Variants in CEP57 observed in about 807,000 individuals in gnomAD.
CEP57 encodes centrosomal protein 57.
A neutral mutation model predicts 68.0 loss-of-function variants in CEP57; 40 were observed. That is an observed-to-expected ratio of 0.59 (90% confidence interval 0.46 to 0.77). The LOEUF (loss-of-function observed/expected upper bound fraction) is 0.77, where lower values mean the gene tolerates loss of function less well. Ranked by LOEUF, CEP57 falls within the 30% of genes least tolerant of loss-of-function variation. The pLI is 0.00. For synonymous variants in CEP57, 219 were observed against 198.7 expected (o/e 1.10, Z -0.86); for missense variants, 606 against 580.7 (o/e 1.04, Z -0.45).
At chr11:95,821,070 C>T (rs541694587) in intron 6 of CEP57, among the ~76,000 whole-genome samples, 7 of 152,270 alleles carry the variant, frequency 4.6e-5, no homozygotes, top group African/African-American at 1.7e-4. Context: ...ATATGAATTT[C>T]CCCAATCTGG....
Position 95,813,506 on chromosome 11 carries a change from A to C in CEP57, c.421A>C (p.Asn141His), listed in dbSNP as rs1767858227. The C allele has an allele frequency of 1.2e-6, 2 of 1,612,682 alleles. No homozygotes were observed. Among genetic ancestry groups the C allele is most frequent in the Admixed American group, 1.7e-5 (1 of 60,008 alleles). Residue 141 changes from asparagine to histidine, a missense_variant, in exon 4 of 11, where the codon AAT becomes CAT. Coordinates refer to ENST00000325542, the MANE Select transcript of CEP57 (RefSeq NM_014679.5). ...GTTGTTAGCTGCAGAAAATAAATGC[A>C]ATCTATTAGAAAAACAATTGGAATA... is the stretch of plus-strand genomic sequence containing the variant. Reference protein sequence around the residue: ...SQLLAAENKCNLLEKQLEYMR... With the variant: ...SQLLAAENKCHLLEKQLEYMR...
At chr11:95,816,069 C>G (rs1862283561) in intron 4 of CEP57, among the ~76,000 whole-genome samples, 1 of 152,092 alleles carries the variant, frequency 6.6e-6, no homozygotes. Flanking sequence ...ATAAAGAGCA[C>G]CCAAGACTAG....
At chr11:95,822,147 C>G (rs1862542818) in intron 7 of CEP57, 169 bp downstream of exon 7, 2 of 631,786 alleles carry the variant, frequency 3.2e-6, no homozygotes, top group East Asian at 2.8e-5. Flanking sequence ...AAATTTTTAT[C>G]CTGATAGTGA....
chr11:95,828,145 C>A, intron 9 of CEP57, 118 bp downstream of exon 9: 1 of 1,203,668 alleles, frequency 8.3e-7, no homozygotes, highest in Non-Finnish European at 1.2e-6. Flanking sequence ...TGAGCACAAT[C>A]CTTATACCAA....
At position 95,813,589 on chromosome 11, in the gene CEP57, A is replaced by G. The variant is rs754676360; in HGVS notation, c.504A>G (p.Gln168=). Residue 168 remains glutamine, a splice_region_variant and synonymous_variant, in exon 4 of 11, where the codon CAA becomes CAG. Coordinates refer to ENST00000325542, the MANE Select transcript of CEP57 (RefSeq NM_014679.5). ...AGAGGACATCTGTCTTAGAGAAACA[A>G]GTAAGTAAAGCACCTCACAGATTGA... ...EMERTSVLEK[Q]VSLERERQHD... 6 of 1,612,734 alleles carry G rather than the reference A, an allele frequency of 3.7e-6. No individual in the cohort carries two copies. In the Admixed American group the frequency reaches 6.7e-5, roughly 18 times the overall value.
chr11:95,829,577 T>A (rs1429143605), intron 10 of CEP57, among the ~76,000 whole-genome samples: 8 of 152,238 alleles, frequency 5.3e-5, no homozygotes, highest in Non-Finnish European at 8.8e-5. Flanking sequence ...TCTTTATGAA[T>A]AAGCTTTAAC....
rs777833396 is a variant in CEP57 at position 95,829,215 on chromosome 11, C to G, written c.1156C>G (p.Gln386Glu). Residue 386 changes from glutamine (Q) to glutamate (E), a missense_variant, in exon 10 of 11, where the codon CAG becomes GAG. Transcript: ENST00000325542. ...TCACCAGCAGCTTGCAAAACTTATC[C>G]AGGAGTCGCCAACCGTTGAACTGAA... ...FDHQQLAKLIQESPTVELKDK... is the reference protein window; with the variant it reads ...FDHQQLAKLIEESPTVELKDK... The G allele has an allele frequency of 6.2e-7, 1 of 1,613,796 alleles. No homozygotes were observed. Among genetic ancestry groups the G allele is most frequent in the Admixed American group, 1.7e-5 (1 of 59,982 alleles).
chr11:95,799,105 G>A, intron 1 of CEP57, 127 bp from the exon 2 acceptor site: 1 of 883,036 alleles, frequency 1.1e-6, no homozygotes, highest in Non-Finnish European at 1.8e-6. Context: ...GAATTGTATT[G>A]TTTCTAGTCA....
At chr11:95,808,506 A>C (rs1292507122) in intron 2 of CEP57, among the ~76,000 whole-genome samples, 1 of 152,208 alleles carries the variant, frequency 6.6e-6, no homozygotes, top group Non-Finnish European at 1.5e-5. Flanking sequence ...ATAGGCTCAA[A>C]ATAAAAGGAT....
intron 4 of CEP57, among the ~76,000 whole-genome samples, chr11:95,814,421 C>T (rs942695035): frequency 1.4e-5 from 2 of 144,576 alleles, no homozygotes; most frequent in Non-Finnish European, 3.0e-5. Flanking sequence ...AGAGCAACGG[C>T]GTGATCTCAG....
At chr11:95,828,555 A>C (rs951165075) in intron 9 of CEP57, among the ~76,000 whole-genome samples, 4 of 152,144 alleles carry the variant, frequency 2.6e-5, no homozygotes, top group African/African-American at 9.7e-5. Context: ...TGTTTACTAC[A>C]TCATCATCTG....
chr11:95,819,030 GA>G, intron 6 of CEP57, 126 bp downstream of exon 6: 1 of 759,412 alleles, frequency 1.3e-6, no homozygotes, highest in South Asian at 1.6e-5. Context: ...CAAATTTTCA[GA>G]TATAGGTTAA....
chr11:95,799,309 G>A lies in CEP57; in HGVS notation c.123G>A (p.Ser41=), dbSNP rs200083050. ...HSSSPYVVYP[S]DKPFLNSDLR... is the part of the protein sequence containing the mutation. ...CATCTCCATATGTAGTATATCCTTC[G>A]GATAAGCCTTTCCTTAATAGTGATC... is the stretch of plus-strand genomic sequence containing the variant. Residue 41 remains serine (S), a synonymous_variant, in exon 2 of 11, where the codon TCG becomes TCA. Coordinates refer to ENST00000325542, the MANE Select transcript of CEP57 (RefSeq NM_014679.5). 2.0e-5 allele frequency: 32 copies of A among 1,613,992 alleles called. No individual in the cohort carries two copies. In the East Asian group the frequency reaches 4.9e-4, roughly 25 times the overall value.
upstream of CEP57, chr11:95,790,360 C>G (rs978839302): frequency 6.8e-6 from 3 of 442,214 alleles, no homozygotes; most frequent in South Asian, 5.3e-5. Flanking sequence ...GCCTGTAACC[C>G]CGGCGTTGTC....
chr11:95,831,134 A>G lies in CEP57; in HGVS notation c.1381A>G (p.Asn461Asp), dbSNP rs768214186. Residue 461 changes from asparagine (N) to aspartate (D), a missense_variant, in exon 11 of 11, where the codon AAT (asparagine) becomes GAT (aspartate). Physicochemically the swap from Asn to Asp is conservative, Grantham distance 23. Coordinates refer to ENST00000325542, the MANE Select transcript of CEP57 (RefSeq NM_014679.5). ...SSRSGITGTT[N>D]KKDFMKLRPG... The stretch of plus-strand genomic sequence containing the variant: ...CCGTTCTGGAATCACAGGGACCACA[A>G]ATAAGAAAGATTTTATGAAACTGAG... 12 of 1,613,628 alleles carry G rather than the reference A, an allele frequency of 7.4e-6. No individual in the cohort carries two copies. The South Asian group carries it at 1.3e-4, about 18-fold the overall frequency.
chr11:95,790,740 G>A lies in CEP57; in HGVS notation c.42G>A (p.Leu14=). The A allele has an allele frequency of 6.2e-7, 1 of 1,614,060 alleles. No individual in the cohort carries two copies. The change falls in exon 1 of 11, where the codon TTG becomes TTA. Residue 14 remains leucine, a synonymous_variant. Transcript: ENST00000325542. The part of the protein sequence containing the change: ...ASVSAASGSH[L]SNSFAEPSRS... Reference sequence around the variant, plus strand: ...TCTCTGCGGCTTCTGGTTCTCACTTGTCGGTAAGAAGCAGTTGGCGCGAGT... The same window carrying A: ...TCTCTGCGGCTTCTGGTTCTCACTTATCGGTAAGAAGCAGTTGGCGCGAGT...
Position 95,831,452 on chromosome 11 carries a change from G to A in CEP57, c.*196G>A. 2.0e-6 allele frequency: 1 copy of A among 504,174 alleles called. No individual in the cohort carries two copies. 31.2% of individuals were successfully genotyped at this position (504,174 alleles called of 1,614,324 possible). The stretch of plus-strand genomic sequence containing the variant: ...GTTAAAGCATTTAAATGGAAACCAG[G>A]GGAGTTTTAAAGCCCGAGAAACCAC... On this transcript the variant is annotated 3_prime_UTR_variant, in exon 11 of 11. Transcript: ENST00000325542.
At chr11:95,830,518 A>G (rs1203138720) in intron 10 of CEP57, among the ~76,000 whole-genome samples, 1 of 152,216 alleles carries the variant, frequency 6.6e-6, no homozygotes, top group Non-Finnish European at 1.5e-5. Context: ...GAACAAAAAT[A>G]AAATTCTTTT....
Position 95,827,802 on chromosome 11 carries a change from A to G in CEP57, c.902A>G (p.His301Arg). Residue 301 changes from histidine (H) to arginine (R), a missense_variant, in exon 9 of 11, where the codon CAT (histidine) becomes CGT (arginine). Transcript: ENST00000325542. ...TTCCTTTAGTCCACAAGCCCTAGCCATGCCGTGGTAGCCAATGTTCAGCTT... is the reference window on the plus strand; with the variant it reads ...TTCCTTTAGTCCACAAGCCCTAGCCGTGCCGTGGTAGCCAATGTTCAGCTT... ...FVAGKSTSPS[H>R]AVVANVQLVL... is the part of the protein sequence containing the mutation. 1.2e-6 allele frequency: 2 copies of G among 1,614,124 alleles called. No individual in the cohort carries two copies. The highest frequency in any genetic ancestry group is 1.1e-5 in the South Asian group (1 of 91,084).
Sources: allele counts gnomAD v4.1 joint callset (sites outside exome capture counted in the v4.1 genomes callset), GRCh38; gene constraint gnomAD v4.1.1; transcripts MANE v1.5; gene names NCBI Gene and HGNC (gene_info 2026-07-23, HGNC 2026-07-21).